Variants in NAV1 observed in about 807,000 individuals in gnomAD.
The protein encoded by NAV1 is neuron navigator 1.
NAV1 carries 18 observed loss-of-function variants against 175.2 expected under a neutral mutation model. The observed-to-expected ratio is 0.10, with a 90% CI of 0.07 to 0.15. NAV1 has a LOEUF of 0.15. Among genes scored for constraint, NAV1 ranks in the 10% least tolerant of loss-of-function variants. The pLI is 1.00. For synonymous variants in NAV1, 897 were observed against 978.7 expected (o/e 0.92, Z 1.56); for missense variants, 1,731 against 2,436.6 (o/e 0.71, Z 6.10).
chr1:201,695,592 G>A (rs1454032921), intron 1 of NAV1, among the ~76,000 whole-genome samples: 2 of 152,210 alleles, frequency 1.3e-5, no homozygotes, highest in African/African-American at 2.4e-5. Context: ...TGTTTCCTGG[G>A]AATTTGGCTC....
intron 1 of NAV1, among the ~76,000 whole-genome samples, chr1:201,566,496 G>A (rs952693834): frequency 1.3e-5 from 2 of 152,086 alleles, no homozygotes; most frequent in African/African-American, 2.4e-5. Flanking sequence ...CCCATCAGGC[G>A]AGAGCTCCCT....
intron 2 of NAV1, among the ~76,000 whole-genome samples, chr1:201,602,106 A>G (rs1667532622): frequency 6.6e-6 from 1 of 151,970 alleles, no homozygotes; most frequent in African/African-American, 2.4e-5. Context: ...ATGAAAAAAA[A>G]CACCAATCCA....
At chr1:201,684,898 G>A (rs1470798111) in intron 1 of NAV1, among the ~76,000 whole-genome samples, 1 of 150,716 alleles carries the variant, frequency 6.6e-6, no homozygotes, top group Admixed American at 6.6e-5. Context: ...GGAAGTGGAG[G>A]TTGCAGTGAG....
At chr1:201,570,189 G>A (rs1369711471) in intron 1 of NAV1, among the ~76,000 whole-genome samples, 2 of 152,182 alleles carry the variant, frequency 1.3e-5, no homozygotes, top group Non-Finnish European at 1.5e-5. Flanking sequence ...CTCCCCACCT[G>A]GTTGGAGCCC....
At chr1:201,657,254 C>T (rs1669440993) in intron 1 of NAV1, among the ~76,000 whole-genome samples, 2 of 152,206 alleles carry the variant, frequency 1.3e-5, no homozygotes, top group Admixed American at 1.3e-4. Flanking sequence ...GTTCTGTTTA[C>T]ACTCTCCTAG....
At chr1:201,819,578 C>T (rs1679270142) in intron 29 of NAV1, among the ~76,000 whole-genome samples, 1 of 151,862 alleles carries the variant, frequency 6.6e-6, no homozygotes, top group South Asian at 2.1e-4. Flanking sequence ...CATCCTCCCA[C>T]TTGGGCTTTG....
At chr1:201,554,786 G>C (rs1482150764) in intron 1 of NAV1, among the ~76,000 whole-genome samples, 3 of 152,186 alleles carry the variant, frequency 2.0e-5, no homozygotes. Context: ...CCATAACAAA[G>C]TACCACTAAG....
rs116540791 is a variant in NAV1 at position 201,760,685 on chromosome 1, T to C, written c.1227-19736T>C. Among the ~76,000 whole-genome samples, 1,277 of 152,322 alleles carry C rather than the reference T, an allele frequency of 8.4e-3. 14 individuals carry two copies. The highest frequency in any genetic ancestry group is 0.029 in the African/African-American group (1,215 of 41,576). On this transcript the variant is annotated intron_variant, in intron 3 of 29. Coordinates refer to ENST00000367296, the Ensembl canonical transcript of NAV1. ...AGGAAAATAAATCAAGTAGCTTAAC[T>C]TGCAACAAATACTTCAATAACAGAG... is the stretch of plus-strand genomic sequence containing the variant.
chr1:201,605,372 G>A (rs764983409), intron 2 of NAV1, among the ~76,000 whole-genome samples: 18 of 152,062 alleles, frequency 1.2e-4, no homozygotes, highest in Non-Finnish European at 2.1e-4. Flanking sequence ...AAAAAGTTAG[G>A]TGGTAGCAGG....
At chr1:201,797,533 C>T (rs1218184802) in intron 15 of NAV1, 7 of 152,104 alleles carry the variant, frequency 4.6e-5, no homozygotes, top group Admixed American at 2.6e-4. Flanking sequence ...TTTCAGGATT[C>T]GTTTGTTAAT....
chr1:201,789,708 T>C (rs1676983353), intron 10 of NAV1, 32 bp from the exon 15 acceptor site: 3 of 1,612,010 alleles, frequency 1.9e-6, no homozygotes, highest in Non-Finnish European at 2.5e-6. Flanking sequence ...TGGAACCCAC[T>C]GTTAACTCTT....
At chr1:201,572,029 C>G (rs1426198822) in intron 1 of NAV1, among the ~76,000 whole-genome samples, 1 of 152,198 alleles carries the variant, frequency 6.6e-6, no homozygotes, top group African/African-American at 2.4e-5. Context: ...ATCGCTCATT[C>G]CACTCACAGT....
chr1:201,786,686 G>A (rs1371824869), intron 9 of NAV1, 109 bp downstream of exon 13: 7 of 1,071,932 alleles, frequency 6.5e-6, no homozygotes, highest in East Asian at 5.1e-5. Flanking sequence ...GACTCATGCT[G>A]TATTGGGTTG....
chr1:201,637,961 C>T (rs1017206600), intron 2 of NAV1, among the ~76,000 whole-genome samples: 4 of 152,218 alleles, frequency 2.6e-5, no homozygotes, highest in African/African-American at 7.2e-5. Context: ...AACATCTGGA[C>T]TTCTTATCCT....
At chr1:201,651,153 G>GTGTGTGTGTGTGTC (rs1216333270) in intron 1 of NAV1, among the ~76,000 whole-genome samples, 1 of 149,780 alleles carries the variant, frequency 6.7e-6, no homozygotes, top group Non-Finnish European at 1.5e-5. Context: ...GTGTGTGTGT[G>GTGTGTGTGTGTGTC]TGTGTGTCAG....
At chr1:201,688,929 G>A (rs910519371) in intron 1 of NAV1, among the ~76,000 whole-genome samples, 1 of 152,198 alleles carries the variant, frequency 6.6e-6, no homozygotes, top group African/African-American at 2.4e-5. Context: ...CGTGTTGCCT[G>A]CTCCACATGC....
intron 1 of NAV1, among the ~76,000 whole-genome samples, chr1:201,570,068 C>G (rs955004195): frequency 2.0e-4 from 31 of 152,178 alleles, no homozygotes; most frequent in African/African-American, 7.2e-4. Context: ...TAAGAAGAGG[C>G]ACTATAGTCA....
intron 7 of NAV1, among the ~76,000 whole-genome samples, chr1:201,784,785 G>A (rs890223924): frequency 2.6e-5 from 4 of 151,380 alleles, no homozygotes; most frequent in Admixed American, 6.6e-5. Flanking sequence ...TTGTTGTTTT[G>A]AGACGGAGTC....
intron 15 of NAV1, among the ~76,000 whole-genome samples, chr1:201,799,313 G>GA (rs1469954368): frequency 2.0e-5 from 3 of 152,160 alleles, no homozygotes; most frequent in Non-Finnish European, 2.9e-5. Flanking sequence ...CTGAATGAAT[G>GA]AATTGTGCTT....
Sources: gnomAD v4.1 joint callset for allele counts (sites outside exome capture counted in the v4.1 genomes callset) on GRCh38, gnomAD v4.1.1 for gene constraint, MANE v1.5 for transcripts, NCBI Gene and HGNC (gene_info 2026-07-23, HGNC 2026-07-21) for gene names.